Variants in IL5 observed in about 807,000 individuals in gnomAD.
IL5 encodes interleukin-5.
IL5 carries 12 observed loss-of-function variants against 16.3 expected under a neutral mutation model. That is an observed-to-expected ratio of 0.74 (90% CI 0.47 to 1.20). The LOEUF (loss-of-function observed/expected upper bound fraction) is 1.20, where lower values mean the gene tolerates loss of function less well. IL5 is among the 50% of genes most tolerant of loss of function. IL5 has a pLI of 0.00. For synonymous variants in IL5, 54 were observed against 56.6 expected, an observed-to-expected ratio of 0.95 and a Z score of 0.21; for missense variants, 159 against 153.9, an observed-to-expected ratio of 1.03 and a Z score of -0.17.
intron 1 of IL5, among the ~76,000 whole-genome samples, chr5:132,555,761 C>T (rs1749971388): frequency 1.3e-5 from 2 of 152,182 alleles, no homozygotes; most frequent in African/African-American, 2.4e-5. Context: ...GTGATCCACC[C>T]GTCTCGGCCT....
At chr5:132,542,275 T>A in intron 2 of IL5, 132 bp from the exon 3 acceptor site, 1 of 435,826 alleles carries the variant, frequency 2.3e-6, no homozygotes, top group Non-Finnish European at 3.9e-6. Flanking sequence ...ACTTTTTAAT[T>A]CATCAATTAA....
intron 1 of IL5, among the ~76,000 whole-genome samples, chr5:132,551,217 C>T (rs933774072): frequency 2.6e-5 from 4 of 152,086 alleles, no homozygotes; most frequent in African/African-American, 9.7e-5. Flanking sequence ...CCAGCAATCA[C>T]AGTAATTGAA....
chr5:132,543,021 T>TA (rs1202533562), intron 2 of IL5, 73 bp downstream of exon 2: 2 of 1,118,706 alleles, frequency 1.8e-6, no homozygotes, highest in Non-Finnish European at 2.7e-6. Flanking sequence ...CAATGATAAC[T>TA]AATGATTTAC....
At chr5:132,550,358 T>A (rs1420384129) in intron 1 of IL5, among the ~76,000 whole-genome samples, 1 of 147,762 alleles carries the variant, frequency 6.8e-6, no homozygotes, top group Non-Finnish European at 1.5e-5. Context: ...AGAGTCTCAC[T>A]CTGTCGCCAG....
chr5:132,548,782 TG>T lies in IL5; in HGVS notation c.43-5657del, dbSNP rs553236751. Among the ~76,000 whole-genome samples, 22 of 152,336 alleles carry T rather than the reference TG, an allele frequency of 1.4e-4. No individual in the cohort carries two copies. In the East Asian group the frequency reaches 4.1e-3, roughly 28 times the overall value. ...ATCTTCAACCTTCAACTGGAATAGTTGGGTAAGTTATCTTACTTGTTTTTAT... is the reference window on the plus strand; with the variant it reads ...ATCTTCAACCTTCAACTGGAATAGTTGGTAAGTTATCTTACTTGTTTTTAT... On this transcript the variant is annotated intron_variant, in intron 1 of 2. Transcript: ENST00000450655.
At chr5:132,548,555 G>A (rs1290448610) in intron 1 of IL5, among the ~76,000 whole-genome samples, 1 of 152,176 alleles carries the variant, frequency 6.6e-6, no homozygotes, top group Non-Finnish European at 1.5e-5. Context: ...CCCAGCCAAA[G>A]CCATTGTCTA....
chr5:132,547,531 T>C (rs1373373051), upstream of IL5, among the ~76,000 whole-genome samples: 4 of 152,176 alleles, frequency 2.6e-5, no homozygotes, highest in Admixed American at 6.5e-5. Flanking sequence ...AGAGACGTGA[T>C]GACTACATAC....
chr5:132,541,738 T>C lies in IL5; in HGVS notation c.*73A>G. On this transcript the variant is annotated 3_prime_UTR_variant, in exon 4 of 4. Transcript: ENST00000231454. ...CTGAAAATTAAGGCCTGACTCTTTC[T>C]TGGCCCTCATTCTCACTGCAGTAAA... The C allele has an allele frequency of 1.1e-6, 1 of 896,378 alleles. No homozygotes were observed. The highest frequency in any genetic ancestry group is 1.8e-6 in the Non-Finnish European group (1 of 556,306). The allele number at this position is 896,378 out of a possible 1,614,324, so 55.5% of individuals were successfully genotyped here. A position where few individuals can be genotyped will look rare whatever the true frequency, so the allele number is the denominator to read the frequency against.
exon 1 of IL5, chr5:132,556,761 G>A (rs1449441860): frequency 1.7e-6 from 2 of 1,199,282 alleles, no homozygotes; most frequent in East Asian, 1.0e-4. Flanking sequence ...ATCCGTCACA[G>A]GTCTTGGTCT....
chr5:132,556,567 G>A (rs747043326), intron 1 of IL5: 86 of 558,158 alleles, frequency 1.5e-4, no homozygotes, highest in Non-Finnish European at 2.0e-4. Flanking sequence ...TCCATTAACC[G>A]CCACTGCAAT....
chr5:132,548,550 C>T (rs1014933593), intron 1 of IL5, among the ~76,000 whole-genome samples: 1 of 152,164 alleles, frequency 6.6e-6, no homozygotes, highest in South Asian at 2.1e-4. Flanking sequence ...CGCTTCCCAG[C>T]CAAAGCCATT....
rs564784575 is a variant in IL5 at position 132,554,604 on chromosome 5, A to G, written c.42+2070T>C. The stretch of plus-strand genomic sequence containing the variant: ...TATGCACTATTGGTGGGAATGTCAA[A>G]TGGTACAACCACTGTGGAAAACAGT... On this transcript the variant is annotated intron_variant, in intron 1 of 2. Transcript: ENST00000450655. 2.8e-4 allele frequency among the ~76,000 whole-genome samples: 42 copies of G among 152,314 alleles called. No homozygotes were observed. The South Asian group carries it at 8.5e-3, about 31-fold the overall frequency.
Position 132,543,464 on chromosome 5 carries a change from C to G in IL5, c.15G>C (p.Leu5=), listed in dbSNP as rs1406696285. The G allele has an allele frequency of 1.2e-6, 2 of 1,614,110 alleles. No individual in the cohort carries two copies. The highest frequency in any genetic ancestry group is 2.2e-5 in the South Asian group (2 of 91,076). Residue 5 remains leucine, a synonymous_variant, in exon 1 of 4, where the codon CTG becomes CTC. Transcript: ENST00000231454. Reference sequence around the variant, plus strand: ...CTCCAAGAGCTAGCAAACTCAAATGCAGAAGCATCCTCATGGCTCTGAAAC... The same window carrying G: ...CTCCAAGAGCTAGCAAACTCAAATGGAGAAGCATCCTCATGGCTCTGAAAC... The part of the protein sequence containing the change: MRML[L]HLSLLALGAA...
At chr5:132,555,776 A>G (rs1749972064) in intron 1 of IL5, among the ~76,000 whole-genome samples, 1 of 152,152 alleles carries the variant, frequency 6.6e-6, no homozygotes, top group African/African-American at 2.4e-5. Context: ...CGGCCTCCCA[A>G]AGTGCTGGGA....
upstream of IL5, among the ~76,000 whole-genome samples, chr5:132,544,498 T>C (rs1379591798): frequency 1.3e-5 from 2 of 152,224 alleles, no homozygotes; most frequent in African/African-American, 2.4e-5. Context: ...AGATACACAA[T>C]ACATGGATGT....
At position 132,554,272 on chromosome 5, in the gene IL5, C is replaced by T. The variant is rs543212919; in HGVS notation, c.42+2402G>A. 6.7e-5 allele frequency among the ~76,000 whole-genome samples: 10 copies of T among 148,358 alleles called. No individual in the cohort carries two copies. The South Asian group carries it at 2.1e-3, about 32-fold the overall frequency. ...ATCCCAGCTACTCAGGAGGCTGAGG[C>T]AGAAGAATCACTTGAACGCGGGAGG... On this transcript the variant is annotated intron_variant, in intron 1 of 2. Coordinates refer to the IL5 transcript ENST00000450655.
chr5:132,543,496 C>A lies in IL5; in HGVS notation c.-18G>T. 3 of 1,611,524 alleles carry A rather than the reference C, an allele frequency of 1.9e-6. No individual in the cohort carries two copies. In the South Asian group the frequency reaches 3.3e-5, roughly 18 times the overall value. ...ATCCTCATGGCTCTGAAACGTTCTG[C>A]GTTTGCCTTTGGCAAAGAAAGTGCA... is the stretch of plus-strand genomic sequence containing the variant. On this transcript the variant is annotated 5_prime_UTR_variant, in exon 1 of 4. Coordinates refer to ENST00000231454, the MANE Select transcript of IL5 (RefSeq NM_000879.3).
At chr5:132,551,621 C>G (rs1749884742) in intron 1 of IL5, among the ~76,000 whole-genome samples, 1 of 152,038 alleles carries the variant, frequency 6.6e-6, no homozygotes, top group South Asian at 2.1e-4. Flanking sequence ...CACCTCGCAC[C>G]CTGAGCTGAT....
intron 1 of IL5, chr5:132,556,189 T>C (rs1257909119): frequency 6.6e-6 from 1 of 152,226 alleles, no homozygotes; most frequent in Non-Finnish European, 1.5e-5. Flanking sequence ...CATTTAAATG[T>C]CCTCCACTAT....
Sources: gnomAD v4.1 joint callset for allele counts (sites outside exome capture counted in the v4.1 genomes callset) on GRCh38, gnomAD v4.1.1 for gene constraint, MANE v1.5 for transcripts, NCBI Gene and HGNC (gene_info 2026-07-23, HGNC 2026-07-21) for gene names.